DNM3: variants seen among roughly 807,000 people sequenced by gnomAD.
The protein encoded by DNM3 is dynamin-3.
DNM3 carries 47 observed loss-of-function variants against 101.6 expected under a neutral mutation model. That is an observed-to-expected ratio of 0.46 (90% CI 0.37 to 0.59). The LOEUF (loss-of-function observed/expected upper bound fraction) is 0.59, where lower values mean the gene tolerates loss of function less well. Ranked by LOEUF, DNM3 falls within the 20% of genes least tolerant of loss-of-function variation. DNM3 has a pLI of 0.00. For synonymous variants in DNM3, 385 were observed against 387.9 expected (o/e 0.99, Z 0.09); for missense variants, 849 against 1,085.7 (o/e 0.78, Z 3.06).
chr1:172,157,492 A>G (rs1339579987), intron 14 of DNM3, among the ~76,000 whole-genome samples: 1 of 152,152 alleles, frequency 6.6e-6, no homozygotes, highest in African/African-American at 2.4e-5. Flanking sequence ...CATACATTTC[A>G]GTAAATTCAT....
chr1:172,275,903 G>A (rs2063266868), intron 15 of DNM3, among the ~76,000 whole-genome samples: 1 of 152,158 alleles, frequency 6.6e-6, no homozygotes, highest in Non-Finnish European at 1.5e-5. Context: ...TTATGGAACT[G>A]AAGGACTCGC....
intron 1 of DNM3, among the ~76,000 whole-genome samples, chr1:171,861,726 A>G (rs1163402344): frequency 1.3e-5 from 2 of 152,290 alleles, no homozygotes; most frequent in East Asian, 3.9e-4. Context: ...GACAAAATAA[A>G]AAATAGTTAA....
At position 172,073,683 on chromosome 1, in the gene DNM3, A is replaced by G. The variant is rs1335086159; in HGVS notation, c.1422+4778A>G. 1.3e-5 allele frequency among the ~76,000 whole-genome samples: 2 copies of G among 152,188 alleles called. 1 individual carries two copies. Among genetic ancestry groups the G allele is most frequent in the East Asian group, 3.9e-4 (2 of 5,188 alleles). ...CTTCAATGAAGGGAGGCAGCAAACAAATACTCACAATAGTCACCAAAATTT... is the reference window on the plus strand; with the variant it reads ...CTTCAATGAAGGGAGGCAGCAAACAGATACTCACAATAGTCACCAAAATTT... On this transcript the variant is annotated intron_variant, in intron 11 of 20. Coordinates refer to ENST00000627582, the MANE Select transcript of DNM3 (RefSeq NM_015569.5).
chr1:172,387,153 C>T lies in DNM3; in HGVS notation c.2079C>T (p.Ser693=), dbSNP rs755324442. ...MINNVKDFIN[S]ELLAQLYSSE... is the part of the protein sequence containing the mutation. Reference sequence around the variant, plus strand: ...GACAGGTTAAAGATTTCATAAATTCCGAGCTCCTAGCACAGTTGTATTCTT... The same window carrying T: ...GACAGGTTAAAGATTTCATAAATTCTGAGCTCCTAGCACAGTTGTATTCTT... Residue 693 remains serine (S), a synonymous_variant, in exon 19 of 21, where the codon TCC becomes TCT. Transcript: ENST00000627582. 8.7e-6 allele frequency: 14 copies of T among 1,613,594 alleles called. No homozygotes were observed. The highest frequency in any genetic ancestry group is 5.0e-5 in the Admixed American group (3 of 59,990).
intron 17 of DNM3, among the ~76,000 whole-genome samples, chr1:172,328,722 C>A (rs1305767504): frequency 1.3e-5 from 2 of 152,158 alleles, no homozygotes; most frequent in African/African-American, 4.8e-5. Flanking sequence ...AAATAATCTG[C>A]ACACCAAACC....
chr1:172,363,244 T>C (rs1366842589), intron 17 of DNM3, among the ~76,000 whole-genome samples: 1 of 151,912 alleles, frequency 6.6e-6, no homozygotes, highest in African/African-American at 2.4e-5. Context: ...GATTTCTAAA[T>C]CTACATTTTC....
At chr1:172,272,518 A>T (rs1573235531) in intron 15 of DNM3, among the ~76,000 whole-genome samples, 2 of 152,144 alleles carry the variant, frequency 1.3e-5, no homozygotes, top group Admixed American at 1.3e-4. Context: ...TTGTTGCTCC[A>T]TAAACCATGA....
chr1:172,002,915 G>A (rs1045878570), intron 4 of DNM3, among the ~76,000 whole-genome samples: 1 of 151,988 alleles, frequency 6.6e-6, no homozygotes, highest in Non-Finnish European at 1.5e-5. Context: ...TTTCTAATGC[G>A]TTCATTCCTT....
intron 1 of DNM3, among the ~76,000 whole-genome samples, chr1:171,899,183 C>T (rs909715591): frequency 3.9e-5 from 6 of 152,208 alleles, no homozygotes; most frequent in Non-Finnish European, 8.8e-5. Flanking sequence ...GGATTTGGTG[C>T]TGGTGTGTTT....
chr1:172,413,249 G>A (rs2071307441), downstream of DNM3, among the ~76,000 whole-genome samples: 1 of 152,088 alleles, frequency 6.6e-6, no homozygotes, highest in Admixed American at 6.5e-5. Context: ...TTGTTTTTGA[G>A]ACGGAGTTTC....
In DNM3 at chr1:172,362,421, G is replaced by A. The variant is rs945706603; in HGVS notation, c.1894-16597G>A. 4.6e-5 allele frequency among the ~76,000 whole-genome samples: 7 copies of A among 151,908 alleles called. No homozygotes were observed. The East Asian group carries it at 5.8e-4, about 13-fold the overall frequency. ...GCAACATGGCTAAAGGCACCAGGTCGTGATGTGCATGGTTTGATTTGGGAA... is the reference window on the plus strand; with the variant it reads ...GCAACATGGCTAAAGGCACCAGGTCATGATGTGCATGGTTTGATTTGGGAA... On this transcript the variant is annotated intron_variant, in intron 17 of 20. Coordinates refer to ENST00000627582, the MANE Select transcript of DNM3 (RefSeq NM_015569.5).
intron 12 of DNM3, among the ~76,000 whole-genome samples, chr1:172,092,315 G>A (rs1349995530): frequency 6.6e-6 from 1 of 152,184 alleles, no homozygotes; most frequent in Admixed American, 6.5e-5. Flanking sequence ...CAAAGAGTTT[G>A]TGATGCGGAG....
intron 15 of DNM3, among the ~76,000 whole-genome samples, chr1:172,297,232 A>G (rs1287857809): frequency 6.6e-6 from 1 of 151,414 alleles, no homozygotes; most frequent in Non-Finnish European, 1.5e-5. Context: ...TCTTGAGTTA[A>G]TTTTGGTAAT....
At chr1:172,227,233 T>A (rs1364631220) in intron 14 of DNM3, among the ~76,000 whole-genome samples, 1 of 145,176 alleles carries the variant, frequency 6.9e-6, no homozygotes, top group Non-Finnish European at 1.5e-5. Flanking sequence ...GCAAATAACA[T>A]TTCATTCTTT....
At chr1:171,964,973 G>T (rs2043468936) in intron 2 of DNM3, among the ~76,000 whole-genome samples, 2 of 151,860 alleles carry the variant, frequency 1.3e-5, no homozygotes, top group Non-Finnish European at 2.9e-5. Flanking sequence ...ATTCTCTGTG[G>T]ACACCAGCTG....
chr1:172,417,927 A>G (rs1461462982), intron 20 of DNM3, among the ~76,000 whole-genome samples: 1 of 152,212 alleles, frequency 6.6e-6, no homozygotes, highest in African/African-American at 2.4e-5. Flanking sequence ...CAAATATACA[A>G]GTTATAAAGG....
intron 10 of DNM3, among the ~76,000 whole-genome samples, chr1:172,054,207 C>G (rs6669406): frequency 6.6e-6 from 1 of 151,968 alleles, no homozygotes; most frequent in African/African-American, 2.4e-5. Context: ...TAAATAAACA[C>G]CAGTGAAAAA....
chr1:172,271,678 A>G (rs1158297860), intron 15 of DNM3, among the ~76,000 whole-genome samples: 1 of 152,136 alleles, frequency 6.6e-6, no homozygotes, highest in African/African-American at 2.4e-5. Context: ...AGTTAATTGC[A>G]ATGAGGGATC....
chr1:172,363,532 C>T (rs2067853608), intron 17 of DNM3, among the ~76,000 whole-genome samples: 1 of 151,858 alleles, frequency 6.6e-6, no homozygotes, highest in African/African-American at 2.4e-5. Flanking sequence ...GTTACCTCTC[C>T]ATTTTTATAG....
Sources: gnomAD v4.1 joint callset for allele counts (sites outside exome capture counted in the v4.1 genomes callset) on GRCh38, gnomAD v4.1.1 for gene constraint, MANE v1.5 for transcripts, NCBI Gene and HGNC (gene_info 2026-07-23, HGNC 2026-07-21) for gene names.